The following MAML2 variants were observed in gnomAD, a reference collection of about 807,000 sequenced individuals.
The protein encoded by MAML2 is mastermind-like protein 2.
In MAML2, 22 loss-of-function variants were observed where a neutral mutation model predicts 96.1. The ratio of observed to expected loss-of-function variants is 0.23; its 90% CI spans 0.16 to 0.33. MAML2 has a LOEUF of 0.33. Ranked by LOEUF, MAML2 falls within the 10% of genes least tolerant of loss-of-function variation. The pLI is 1.00. For synonymous variants in MAML2, 561 were observed against 521.3 expected (o/e 1.08, Z -1.04); for missense variants, 1,367 against 1,392.4 (o/e 0.98, Z 0.29).
chr11:96,144,311 T>C (rs1263144563), intron 1 of MAML2, among the ~76,000 whole-genome samples: 14 of 152,224 alleles, frequency 9.2e-5, no homozygotes, highest in Non-Finnish European at 4.4e-5. Flanking sequence ...TAGTTAAGAA[T>C]GCTTATTGAG....
At chr11:96,021,833 T>G (rs565144203) in intron 2 of MAML2, among the ~76,000 whole-genome samples, 1 of 152,362 alleles carries the variant, frequency 6.6e-6, no homozygotes, top group South Asian at 2.1e-4. Flanking sequence ...GTGAGGGTAA[T>G]GCCAAGAACT....
intron 2 of MAML2, among the ~76,000 whole-genome samples, chr11:96,038,740 C>G (rs1199538700): frequency 6.6e-6 from 1 of 152,202 alleles, no homozygotes; most frequent in Admixed American, 6.5e-5. Flanking sequence ...CCATCACTCT[C>G]TAACTCTCTA....
intron 1 of MAML2, among the ~76,000 whole-genome samples, chr11:96,140,571 C>T (rs1247537264): frequency 1.3e-5 from 2 of 152,188 alleles, no homozygotes; most frequent in Non-Finnish European, 2.9e-5. Flanking sequence ...TATACCAGAG[C>T]TCTTACATGC....
chr11:96,022,560 T>C (rs1321792483), intron 2 of MAML2, among the ~76,000 whole-genome samples: 1 of 152,104 alleles, frequency 6.6e-6, no homozygotes, highest in Non-Finnish European at 1.5e-5. Context: ...TGGATTTAGT[T>C]AGCCCTCACT....
intron 1 of MAML2, among the ~76,000 whole-genome samples, chr11:96,219,868 C>T (rs572802502): frequency 6.6e-6 from 1 of 152,256 alleles, no homozygotes; most frequent in African/African-American, 2.4e-5. Flanking sequence ...TTGTGATCTG[C>T]CCACCTCGGC....
intron 1 of MAML2, among the ~76,000 whole-genome samples, chr11:96,150,843 T>G (rs1860908020): frequency 1.3e-5 from 2 of 152,066 alleles, no homozygotes; most frequent in African/African-American, 2.4e-5. Flanking sequence ...TTATTTTGCC[T>G]CCCATTACAG....
chr11:96,275,146 T>C (rs1306785178), intron 1 of MAML2, among the ~76,000 whole-genome samples: 2 of 152,074 alleles, frequency 1.3e-5, no homozygotes, highest in African/African-American at 4.8e-5. Context: ...ATAATAAAAA[T>C]GCTGCAGAGA....
intron 1 of MAML2, among the ~76,000 whole-genome samples, chr11:96,166,750 A>G (rs1199595479): frequency 5.9e-5 from 9 of 152,192 alleles, no homozygotes; most frequent in Admixed American, 4.6e-4. Context: ...CCTATCTAGA[A>G]CTTTTTAGAG....
At chr11:96,128,020 G>C (rs1860479025) in intron 1 of MAML2, among the ~76,000 whole-genome samples, 1 of 152,150 alleles carries the variant, frequency 6.6e-6, no homozygotes, top group Admixed American at 6.5e-5. Flanking sequence ...TGGATATCTT[G>C]TTACCATGTA....
At chr11:96,049,458 G>A (rs1858957160) in intron 2 of MAML2, among the ~76,000 whole-genome samples, 1 of 152,290 alleles carries the variant, frequency 6.6e-6, no homozygotes, top group Middle Eastern at 3.4e-3. Context: ...TTCCCAGTGT[G>A]TTTATAGATT....
intron 2 of MAML2, among the ~76,000 whole-genome samples, chr11:96,019,079 G>C (rs763537326): frequency 2.4e-4 from 37 of 152,240 alleles, no homozygotes; most frequent in Middle Eastern, 3.4e-3. Context: ...CAGAAAAATA[G>C]AGAGGTAGCA....
chr11:96,191,203 C>T (rs1255139453), intron 1 of MAML2, among the ~76,000 whole-genome samples: 3 of 152,200 alleles, frequency 2.0e-5, no homozygotes, highest in African/African-American at 7.2e-5. Context: ...CAGTGGCTCA[C>T]GACTGTAATC....
At chr11:96,259,248 A>G (rs534368759) in intron 1 of MAML2, among the ~76,000 whole-genome samples, 1 of 151,388 alleles carries the variant, frequency 6.6e-6, no homozygotes, top group Admixed American at 6.6e-5. Context: ...TTCTTTCCAG[A>G]TGTTTTTTTT....
intron 1 of MAML2, among the ~76,000 whole-genome samples, chr11:96,229,061 G>A (rs775680658): frequency 2.6e-5 from 4 of 151,910 alleles, no homozygotes; most frequent in Non-Finnish European, 4.4e-5. Flanking sequence ...GGAAGTTCAG[G>A]GTTGAAACAA....
At chr11:96,174,263 G>A (rs1861347865) in intron 1 of MAML2, among the ~76,000 whole-genome samples, 1 of 152,208 alleles carries the variant, frequency 6.6e-6, no homozygotes, top group Admixed American at 6.5e-5. Context: ...TTGCTTTTCT[G>A]TCCTGGAAGG....
rs146947017 is a variant in MAML2, at chr11:96,326,763, A to AAAATAAATAAAT, written c.513+14619_513+14620insATTTATTTATTT. The stretch of plus-strand genomic sequence containing the variant: ...CGGGCAACAAGAGCAAAAGTCTGTC[A>AAAATAAATAAAT]AAGTAAATAAATAAATAAATAAATA... On this transcript the variant is annotated intron_variant, in intron 1 of 4. Transcript: ENST00000524717. Among the ~76,000 whole-genome samples the AAAATAAATAAAT allele has an allele frequency of 5.9e-3, 890 of 152,010 alleles. 12 individuals are homozygous for AAAATAAATAAAT. Among genetic ancestry groups the AAAATAAATAAAT allele is most frequent in the African/African-American group, 0.02 (830 of 41,434 alleles).
intron 1 of MAML2, among the ~76,000 whole-genome samples, chr11:96,221,596 A>G (rs898469006): frequency 3.3e-5 from 5 of 152,124 alleles, no homozygotes; most frequent in Non-Finnish European, 5.9e-5. Flanking sequence ...AAGAAGTTTC[A>G]TAGCAGTTGC....
intron 2 of MAML2, among the ~76,000 whole-genome samples, chr11:96,033,607 C>T (rs2135748339): frequency 6.6e-6 from 1 of 152,252 alleles, no homozygotes; most frequent in East Asian, 1.9e-4. Flanking sequence ...CCAGCAGATT[C>T]TGATTAATTT....
intron 2 of MAML2, among the ~76,000 whole-genome samples, chr11:95,995,629 T>A (rs9633814): frequency 0.37 from 56,284 of 152,042 alleles, 10,624 homozygotes; most frequent in South Asian, 0.54. Flanking sequence ...AGATGTTTTA[T>A]ATCCAATGAG....
Sources: gnomAD v4.1 joint callset for allele counts (sites outside exome capture counted in the v4.1 genomes callset) on GRCh38, gnomAD v4.1.1 for gene constraint, MANE v1.5 for transcripts, NCBI Gene and HGNC (gene_info 2026-07-23, HGNC 2026-07-21) for gene names.